The following ARHGAP42 variants were observed in gnomAD, a reference collection of about 807,000 sequenced individuals.
ARHGAP42 encodes the protein rho GTPase-activating protein 42.
In ARHGAP42, 63 loss-of-function variants were observed where a neutral mutation model predicts 125.0. The ratio of observed to expected loss-of-function variants is 0.50; its 90% CI spans 0.41 to 0.62. ARHGAP42 has a LOEUF of 0.62. Among genes scored for constraint, ARHGAP42 ranks in the 20% least tolerant of loss-of-function variants. ARHGAP42 has a pLI of 0.00. For missense variants in ARHGAP42, 766 were observed against 1,024.2 expected (o/e 0.75, Z 3.44); for synonymous variants, 339 against 351.0 (o/e 0.97, Z 0.38).
Position 100,941,800 on chromosome 11 carries a change from A to C in ARHGAP42, c.849A>C (p.Thr283=). 1 of 1,519,962 alleles carries C rather than the reference A, an allele frequency of 6.6e-7. No individual in the cohort carries two copies. The highest frequency in any genetic ancestry group is 8.8e-7 in the Non-Finnish European group (1 of 1,136,798). 94.2% of individuals were successfully genotyped at this position (1,519,962 alleles called of 1,614,324 possible). A position where few individuals can be genotyped will look rare whatever the true frequency, so the allele number is the denominator to read the frequency against. Residue 283 remains threonine (T), a synonymous_variant, in exon 9 of 24, where the codon ACA becomes ACC. Coordinates refer to ENST00000298815, the MANE Select transcript of ARHGAP42 (RefSeq NM_152432.4). ...YVQEKRPLGF[T]WIKHYCTYDK... Reference sequence around the variant, plus strand: ...TTACATTAGGACCGCTTGGTTTTACATGGATTAAACATTATTGTACATATG... The same window carrying C: ...TTACATTAGGACCGCTTGGTTTTACCTGGATTAAACATTATTGTACATATG...
chr11:100,838,261 C>T (rs1864863208), intron 3 of ARHGAP42, among the ~76,000 whole-genome samples: 1 of 152,080 alleles, frequency 6.6e-6, no homozygotes, highest in Admixed American at 6.6e-5. Context: ...ACTTTGATCA[C>T]TTGATTAAAG....
chr11:100,725,145 C>T (rs61910502), intron 1 of ARHGAP42, among the ~76,000 whole-genome samples: 3,233 of 150,780 alleles, frequency 0.021, 48 homozygotes, highest in Non-Finnish European at 0.032. Flanking sequence ...CTCCCTTATG[C>T]GCCCATTTTA....
intron 23 of ARHGAP42, 39 bp from the exon 24 acceptor site, chr11:100,988,674 A>G (rs1342237772): frequency 6.8e-7 from 1 of 1,466,090 alleles, no homozygotes; most frequent in African/African-American, 1.4e-5. Flanking sequence ...ATTTGACACT[A>G]ATGTTGACTG....
At chr11:100,928,407 G>A (rs1399939137) in intron 6 of ARHGAP42, among the ~76,000 whole-genome samples, 1 of 152,040 alleles carries the variant, frequency 6.6e-6, no homozygotes, top group Non-Finnish European at 1.5e-5. Context: ...ACCAGTCTTT[G>A]CAACATGGCA....
chr11:100,724,327 T>C (rs1452013418), intron 1 of ARHGAP42, among the ~76,000 whole-genome samples: 1 of 152,184 alleles, frequency 6.6e-6, no homozygotes, highest in Non-Finnish European at 1.5e-5. Flanking sequence ...GGTAATACTG[T>C]TCTCATAGAA....
intron 4 of ARHGAP42, among the ~76,000 whole-genome samples, chr11:100,868,144 C>T (rs1865616108): frequency 6.6e-6 from 1 of 152,080 alleles, no homozygotes; most frequent in Non-Finnish European, 1.5e-5. Context: ...GACACAGAGA[C>T]ATAAAGTGAG....
intron 17 of ARHGAP42, among the ~76,000 whole-genome samples, chr11:100,968,706 G>C (rs1565299707): frequency 6.6e-6 from 1 of 151,944 alleles, no homozygotes; most frequent in Non-Finnish European, 1.5e-5. Context: ...CTGTGAATTT[G>C]AGTTACCATC....
chr11:100,921,678 A>G, intron 6 of ARHGAP42, 74 bp downstream of exon 6: 1 of 909,506 alleles, frequency 1.1e-6, no homozygotes, highest in Non-Finnish European at 1.6e-6. Context: ...TTTTTTCTAT[A>G]ATATATAATT....
intron 20 of ARHGAP42, 91 bp from the exon 21 acceptor site, chr11:100,976,724 A>G: frequency 6.8e-7 from 1 of 1,463,924 alleles, no homozygotes. Context: ...GGCTCAGAGA[A>G]AAATGCTTCC....
At chr11:100,858,089 GTGT>G (rs1865363514) in intron 3 of ARHGAP42, among the ~76,000 whole-genome samples, 2 of 105,070 alleles carry the variant, frequency 1.9e-5, no homozygotes, top group African/African-American at 3.5e-5. Context: ...GGATAGGGGT[GTGT>G]GTGTGTGTGT....
chr11:100,912,402 A>G (rs1261638557), intron 4 of ARHGAP42, among the ~76,000 whole-genome samples: 1 of 152,156 alleles, frequency 6.6e-6, no homozygotes, highest in Non-Finnish European at 1.5e-5. Flanking sequence ...AACTTGTTAA[A>G]AAAAATCAGT....
intron 2 of ARHGAP42, among the ~76,000 whole-genome samples, chr11:100,779,567 T>TATATACGTATATAC (rs1565210776): frequency 6.8e-6 from 1 of 146,960 alleles, no homozygotes; most frequent in Non-Finnish European, 1.5e-5. Context: ...CATACGTATA[T>TATATACGTATATAC]ATACGTATAT....
At chr11:100,779,592 G>GTA (rs1370648000) in intron 2 of ARHGAP42, among the ~76,000 whole-genome samples, 4 of 60,262 alleles carry the variant, frequency 6.6e-5, no homozygotes, top group African/African-American at 1.8e-4. Flanking sequence ...ATATATACGT[G>GTA]TATATATATG....
chr11:100,901,439 C>T (rs1866543937), intron 4 of ARHGAP42, among the ~76,000 whole-genome samples: 1 of 152,230 alleles, frequency 6.6e-6, no homozygotes. Flanking sequence ...CCACTGCTCT[C>T]TTCACCATTG....
intron 17 of ARHGAP42, among the ~76,000 whole-genome samples, chr11:100,970,824 A>G (rs1858222604): frequency 6.6e-6 from 1 of 152,104 alleles, no homozygotes. Flanking sequence ...AGGTAAAGCC[A>G]TCCACCCTAG....
At chr11:100,699,484 A>ATG (rs1861353853) in intron 1 of ARHGAP42, among the ~76,000 whole-genome samples, 2 of 22,202 alleles carry the variant, frequency 9.0e-5, no homozygotes, top group South Asian at 3.7e-3. Flanking sequence ...ATTCATGTAT[A>ATG]TATATATATA....
chr11:100,724,741 C>A (rs1220514750), intron 1 of ARHGAP42, among the ~76,000 whole-genome samples: 3 of 151,478 alleles, frequency 2.0e-5, no homozygotes, highest in Non-Finnish European at 4.4e-5. Context: ...TTTTATCAAT[C>A]TTTTCAAGGA....
intron 3 of ARHGAP42, among the ~76,000 whole-genome samples, chr11:100,798,639 A>G (rs909205178): frequency 6.6e-6 from 1 of 152,184 alleles, no homozygotes; most frequent in African/African-American, 2.4e-5. Flanking sequence ...AATTCATGTG[A>G]CTTGCTTTAT....
intron 3 of ARHGAP42, among the ~76,000 whole-genome samples, chr11:100,815,294 G>T (rs902882369): frequency 2.0e-5 from 3 of 152,060 alleles, no homozygotes; most frequent in Non-Finnish European, 4.4e-5. Context: ...TTCATTATGT[G>T]CGTGTATCAT....
Sources: allele counts gnomAD v4.1 joint callset (sites outside exome capture counted in the v4.1 genomes callset), GRCh38; gene constraint gnomAD v4.1.1; transcripts MANE v1.5; gene names NCBI Gene and HGNC (gene_info 2026-07-23, HGNC 2026-07-21).